Variants in COMMD1 observed in about 807,000 individuals in gnomAD.
The protein encoded by COMMD1 is COMM domain-containing protein 1.
COMMD1 carries 10 observed loss-of-function variants against 17.2 expected under a neutral mutation model. The ratio of observed to expected loss-of-function variants is 0.58; its 90% CI spans 0.36 to 0.99. The LOEUF is 0.99. Among genes scored for constraint, COMMD1 ranks in the 50% least tolerant of loss-of-function variants. The pLI is 0.01. For missense variants in COMMD1, 270 were observed against 231.8 expected (o/e 1.17, Z -1.07); for synonymous variants, 97 against 91.6 (o/e 1.06, Z -0.34).
intron 2 of COMMD1, among the ~76,000 whole-genome samples, chr2:62,122,215 A>G (rs1172030308): frequency 6.6e-6 from 1 of 152,214 alleles, no homozygotes; most frequent in Non-Finnish European, 1.5e-5. Context: ...ATGTTTCTAA[A>G]ATCCCTTTGT....
chr2:62,003,642 C>CG (rs1669029956), intron 2 of COMMD1, among the ~76,000 whole-genome samples: 1 of 119,046 alleles, frequency 8.4e-6, no homozygotes, highest in African/African-American at 2.8e-5. Context: ...ACACACACAC[C>CG]CAACAGATTA....
intron 2 of COMMD1, among the ~76,000 whole-genome samples, chr2:62,117,721 T>C (rs1388668666): frequency 2.6e-5 from 4 of 152,236 alleles, no homozygotes; most frequent in Non-Finnish European, 4.4e-5. Context: ...TTTTTGTTAT[T>C]TTGTGTGATT....
chr2:62,129,897 C>T (rs1250797039), intron 2 of COMMD1, among the ~76,000 whole-genome samples: 4 of 152,134 alleles, frequency 2.6e-5, no homozygotes, highest in Admixed American at 6.5e-5. Flanking sequence ...CCCTTTGAGC[C>T]GGGCGCCGTG....
At chr2:62,081,597 C>T (rs893903341) in intron 2 of COMMD1, among the ~76,000 whole-genome samples, 1 of 152,080 alleles carries the variant, frequency 6.6e-6, no homozygotes, top group African/African-American at 2.4e-5. Flanking sequence ...CTTTACTCTA[C>T]ATTTCCTTGT....
chr2:61,910,260 T>C (rs4672469), intron 1 of COMMD1, among the ~76,000 whole-genome samples: 139 of 142,616 alleles, frequency 9.7e-4, no homozygotes, highest in East Asian at 7.8e-3. Flanking sequence ...TGCCCCCCCC[T>C]TTTTTTTTAA....
chr2:62,041,902 G>A (rs1419190898), intron 2 of COMMD1, among the ~76,000 whole-genome samples: 2 of 152,218 alleles, frequency 1.3e-5, no homozygotes, highest in African/African-American at 4.8e-5. Context: ...CAAAGAGTGA[G>A]CAGCAGCAAG....
In COMMD1 at chr2:62,109,919, CTTTTTT is replaced by C. The variant is rs11345736; in HGVS notation, c.463-25892_463-25887del. On this transcript the variant is annotated intron_variant, in intron 2 of 2. Transcript: ENST00000311832. ...AAGTATTAATCTACCTTATCTTGAT[CTTTTTT>C]TTTTTTTTTTTTTTTTTTTGGTAGA... Among the ~76,000 whole-genome samples, 3 of 73,884 alleles carry C rather than the reference CTTTTTT, an allele frequency of 4.1e-5. No homozygotes were observed. The East Asian group carries it at 1.3e-3, about 33-fold the overall frequency. The allele number at this position is 73,884 out of a possible 152,430, so 48.5% of individuals were successfully genotyped here.
intron 1 of COMMD1, among the ~76,000 whole-genome samples, chr2:61,890,942 C>G (rs1056258481): frequency 6.6e-5 from 10 of 151,966 alleles, no homozygotes; most frequent in Admixed American, 6.6e-4. Flanking sequence ...CACATAAATT[C>G]TATGGTTATT....
intron 2 of COMMD1, among the ~76,000 whole-genome samples, chr2:62,134,016 GGT>G (rs1290663462): frequency 6.6e-6 from 1 of 152,006 alleles, no homozygotes; most frequent in African/African-American, 2.4e-5. Context: ...TGCCCAGGCT[GGT>G]ATTGAACTCC....
intron 1 of COMMD1, among the ~76,000 whole-genome samples, chr2:61,918,967 A>G (rs1051405652): frequency 6.6e-6 from 1 of 152,178 alleles, no homozygotes; most frequent in African/African-American, 2.4e-5. Context: ...TAATTTTAGA[A>G]ATTTGGAGAT....
intron 1 of COMMD1, among the ~76,000 whole-genome samples, chr2:61,970,557 A>T (rs966128111): frequency 2.0e-5 from 3 of 152,068 alleles, no homozygotes; most frequent in Non-Finnish European, 2.9e-5. Flanking sequence ...GGGAATAATG[A>T]TAAAAAAAAG....
chr2:62,053,145 A>G lies in COMMD1; in HGVS notation c.462+52163A>G, dbSNP rs1395486162. Among the ~76,000 whole-genome samples the G allele has an allele frequency of 2.0e-5, 3 of 152,172 alleles. No homozygotes were observed. The East Asian group carries it at 5.8e-4, about 29-fold the overall frequency. On this transcript the variant is annotated intron_variant, in intron 2 of 2. Transcript: ENST00000311832. The stretch of plus-strand genomic sequence containing the variant: ...TTCTGATGCCTATCTCACCCTTTGA[A>G]TACATCAGAGTATTAAAATGTGAGT...
Position 61,966,813 on chromosome 2 carries a change from G to A in COMMD1, c.181-33888G>A, listed in dbSNP as rs552026613. Among the ~76,000 whole-genome samples, 86 of 151,170 alleles carry A rather than the reference G, an allele frequency of 5.7e-4. 1 individual carries two copies. The South Asian group carries it at 0.017, about 30-fold the overall frequency. On this transcript the variant is annotated intron_variant, in intron 1 of 2. Transcript: ENST00000311832. ...GATTTAATTGTTAAATGTAAGTTGG[G>A]AAATTAAAAGTCTGTGTAATTAGTC... is the stretch of plus-strand genomic sequence containing the variant.
chr2:61,995,243 C>G (rs116203592), intron 1 of COMMD1, among the ~76,000 whole-genome samples: 1,848 of 152,292 alleles, frequency 0.012, 41 homozygotes, highest in African/African-American at 0.043. Flanking sequence ...TGACACCACA[C>G]TGGCCAGATT....
intron 2 of COMMD1, among the ~76,000 whole-genome samples, chr2:62,059,900 A>G (rs1029760558): frequency 6.6e-6 from 1 of 151,884 alleles, no homozygotes; most frequent in Non-Finnish European, 1.5e-5. Flanking sequence ...TTCTGTTTTT[A>G]TTCCTGTTTA....
At chr2:62,013,644 G>C (rs1391260165) in intron 2 of COMMD1, among the ~76,000 whole-genome samples, 1 of 152,224 alleles carries the variant, frequency 6.6e-6, no homozygotes, top group Non-Finnish European at 1.5e-5. Context: ...TGAGCAGGTA[G>C]AGTGTAGGTT....
At chr2:61,940,126 A>T (rs888849132) in intron 1 of COMMD1, among the ~76,000 whole-genome samples, 3 of 152,192 alleles carry the variant, frequency 2.0e-5, no homozygotes, top group Non-Finnish European at 4.4e-5. Flanking sequence ...GTTTTTTGTC[A>T]TAAGTCCCAA....
At chr2:62,092,335 A>G (rs1318126511) in intron 2 of COMMD1, among the ~76,000 whole-genome samples, 2 of 152,130 alleles carry the variant, frequency 1.3e-5, no homozygotes, top group Non-Finnish European at 2.9e-5. Context: ...GTTCATGAGG[A>G]CTGGGCCTGG....
chr2:61,933,816 T>A (rs1355546673), intron 1 of COMMD1, among the ~76,000 whole-genome samples: 1 of 150,526 alleles, frequency 6.6e-6, no homozygotes, highest in East Asian at 1.9e-4. Flanking sequence ...AAGGCTGGAG[T>A]GCAATGGTGT....
Sources: gnomAD v4.1 joint callset for allele counts (sites outside exome capture counted in the v4.1 genomes callset) on GRCh38, gnomAD v4.1.1 for gene constraint, MANE v1.5 for transcripts, NCBI Gene and HGNC (gene_info 2026-07-23, HGNC 2026-07-21) for gene names.